Variants in ZPBP observed in about 807,000 individuals in gnomAD.
The protein encoded by ZPBP is zona pellucida-binding protein 1.
A neutral mutation model predicts 44.8 loss-of-function variants in ZPBP; 26 were observed. The ratio of observed to expected loss-of-function variants is 0.58; its 90% CI spans 0.43 to 0.81. ZPBP has a LOEUF of 0.81. Among genes scored for constraint, ZPBP ranks in the 30% least tolerant of loss-of-function variants. ZPBP has a pLI of 0.00. For missense variants in ZPBP, 409 were observed against 434.0 expected, an observed-to-expected ratio of 0.94 and a Z score of 0.51; for synonymous variants, 174 against 153.2, an observed-to-expected ratio of 1.14 and a Z score of -1.00.
intron 4 of ZPBP, among the ~76,000 whole-genome samples, chr7:50,041,383 G>A (rs755711530): frequency 2.6e-5 from 4 of 152,206 alleles, no homozygotes; most frequent in South Asian, 2.1e-4. Context: ...CCCAGCAGGC[G>A]TCGACAGACA....
At chr7:49,902,083 C>A (rs558864443) in intron 1 of ZPBP, among the ~76,000 whole-genome samples, 2 of 151,824 alleles carry the variant, frequency 1.3e-5, no homozygotes, top group Non-Finnish European at 2.9e-5. Context: ...CCATAAAAGT[C>A]GTAGAAGATC....
At chr7:49,967,821 G>A (rs1458805530) in intron 7 of ZPBP, among the ~76,000 whole-genome samples, 2 of 152,074 alleles carry the variant, frequency 1.3e-5, no homozygotes, top group Non-Finnish European at 2.9e-5. Context: ...CATGAGCCAC[G>A]GTGCCTGGCT....
chr7:49,970,040 T>C (rs1033261942), intron 7 of ZPBP, among the ~76,000 whole-genome samples: 1 of 152,022 alleles, frequency 6.6e-6, no homozygotes, highest in East Asian at 1.9e-4. Flanking sequence ...TTTGTATCTT[T>C]AGTAGAGACG....
At chr7:49,907,635 T>C (rs1050761623) in intron 1 of ZPBP, among the ~76,000 whole-genome samples, 30 of 152,330 alleles carry the variant, frequency 2.0e-4, no homozygotes, top group African/African-American at 7.2e-4. Context: ...GGGACACAGC[T>C]TGGCTTTATA....
intron 4 of ZPBP, chr7:50,056,499 CT>C (rs1349623191): frequency 6.6e-6 from 1 of 152,182 alleles, no homozygotes; most frequent in African/African-American, 2.4e-5. Context: ...TTTAATCCAT[CT>C]GCTAAATCCC....
intron 2 of ZPBP, among the ~76,000 whole-genome samples, chr7:49,875,396 A>AAAAAAAAC (rs1791370719): frequency 6.7e-6 from 1 of 148,720 alleles, no homozygotes; most frequent in Non-Finnish European, 1.5e-5. Flanking sequence ...AAAAAAAAAA[A>AAAAAAAAC]ACAGGAATAA....
intron 2 of ZPBP, among the ~76,000 whole-genome samples, chr7:49,867,124 G>T (rs1442183827): frequency 6.6e-6 from 1 of 152,138 alleles, no homozygotes. Flanking sequence ...GCTATGTGGG[G>T]AGCCTCTCGA....
chr7:49,878,064 T>C (rs1791517219), intron 2 of ZPBP, among the ~76,000 whole-genome samples: 1 of 152,132 alleles, frequency 6.6e-6, no homozygotes, highest in Non-Finnish European at 1.5e-5. Context: ...TCTGGCTTTT[T>C]TCAGTGACCG....
At chr7:49,951,252 A>G (rs1028240854) in intron 7 of ZPBP, among the ~76,000 whole-genome samples, 1 of 151,842 alleles carries the variant, frequency 6.6e-6, no homozygotes, top group African/African-American at 2.4e-5. Flanking sequence ...GAAATGGACA[A>G]TATTATGGAT....
At chr7:50,057,122 T>C (rs1208612365) in intron 4 of ZPBP, among the ~76,000 whole-genome samples, 2 of 150,028 alleles carry the variant, frequency 1.3e-5, no homozygotes, top group South Asian at 4.2e-4. Context: ...GAGGTGGAGG[T>C]TGCAGTGAGC....
intron 7 of ZPBP, among the ~76,000 whole-genome samples, chr7:49,962,503 GC>G (rs1462265613): frequency 6.6e-6 from 1 of 151,678 alleles, no homozygotes; most frequent in Non-Finnish European, 1.5e-5. Flanking sequence ...CTGATTAATG[GC>G]ATTTATGAAA....
intron 7 of ZPBP, among the ~76,000 whole-genome samples, chr7:49,964,360 G>A (rs1795978052): frequency 6.6e-6 from 1 of 151,912 alleles, no homozygotes; most frequent in South Asian, 2.1e-4. Context: ...TGTATTTAAT[G>A]ACCATATGAT....
At chr7:49,888,335 T>C (rs1475645659) in intron 2 of ZPBP, among the ~76,000 whole-genome samples, 1 of 152,258 alleles carries the variant, frequency 6.6e-6, no homozygotes, top group Non-Finnish European at 1.5e-5. Context: ...CTGTAGCTAT[T>C]ATTTAGATGA....
intron 2 of ZPBP, among the ~76,000 whole-genome samples, chr7:49,867,142 A>C (rs935787960): frequency 3.3e-5 from 5 of 152,204 alleles, no homozygotes; most frequent in Non-Finnish European, 7.3e-5. Context: ...CGAGAGAACA[A>C]CACACACAGA....
At chr7:49,928,529 C>A (rs1014732860) in intron 1 of ZPBP, among the ~76,000 whole-genome samples, 32 of 152,212 alleles carry the variant, frequency 2.1e-4, no homozygotes, top group African/African-American at 6.8e-4. Context: ...GGGCTGTCTA[C>A]TTGTGGCTGC....
intron 1 of ZPBP, among the ~76,000 whole-genome samples, chr7:49,901,914 G>GTGTT (rs1792758212): frequency 7.2e-6 from 1 of 138,922 alleles, no homozygotes; most frequent in African/African-American, 2.7e-5. Flanking sequence ...TTTGCTAACA[G>GTGTT]AGTAAACATA....
chr7:49,877,507 T>TATAGATATATATATATAG (rs1791485192), intron 2 of ZPBP, among the ~76,000 whole-genome samples: 4 of 90,318 alleles, frequency 4.4e-5, no homozygotes, highest in Non-Finnish European at 9.3e-5. Context: ...TATATATATA[T>TATAGATATATATATATAG]ATATATATAT....
intron 6 of ZPBP, among the ~76,000 whole-genome samples, chr7:49,996,994 T>C (rs910007053): frequency 1.3e-5 from 2 of 152,182 alleles, no homozygotes; most frequent in Non-Finnish European, 2.9e-5. Context: ...ATTGACTGTG[T>C]TTCCCACTGT....
At chr7:50,018,193 T>A in intron 6 of ZPBP, 47 bp downstream of exon 6, 1 of 1,412,314 alleles carries the variant, frequency 7.1e-7, no homozygotes, top group Non-Finnish European at 1.0e-6. Context: ...ACATGGGGCA[T>A]GTTCATTTAA....
Sources: allele counts gnomAD v4.1 joint callset (sites outside exome capture counted in the v4.1 genomes callset), GRCh38; gene constraint gnomAD v4.1.1; transcripts MANE v1.5; gene names NCBI Gene and HGNC (gene_info 2026-07-23, HGNC 2026-07-21).